The following CLVS1 variants were observed in gnomAD, a reference collection of about 807,000 sequenced individuals.
The protein encoded by CLVS1 is clavesin 1, also known as clavesin-1.
A neutral mutation model predicts 33.1 loss-of-function variants in CLVS1; 10 were observed. The observed-to-expected ratio is 0.30, with a 90% CI of 0.19 to 0.51. The LOEUF is 0.51. CLVS1 is among the 20% of genes least tolerant of loss of function. The probability of loss-of-function intolerance (pLI) is 0.97; values close to 1 mark genes in which losing one functional copy is unlikely to be tolerated. For synonymous variants in CLVS1, 163 were observed against 166.1 expected, an observed-to-expected ratio of 0.98 and a Z score of 0.14; for missense variants, 343 against 433.4, an observed-to-expected ratio of 0.79 and a Z score of 1.85.
the CLVS1 span, among the ~76,000 whole-genome samples, chr8:60,985,797 G>A: frequency 6.9e-6 from 1 of 145,780 alleles, no homozygotes. Flanking sequence ...TTAGAGGGCT[G>A]CTGTGAAAAA....
At chr8:61,228,321 G>A (rs1808371186) in intron 2 of CLVS1, among the ~76,000 whole-genome samples, 1 of 152,108 alleles carries the variant, frequency 6.6e-6, no homozygotes, top group Non-Finnish European at 1.5e-5. Flanking sequence ...TGTGTGTTGA[G>A]AACACTTAAA....
intron 1 of CLVS1, among the ~76,000 whole-genome samples, chr8:61,067,378 T>C (rs965387853): frequency 2.7e-5 from 4 of 150,116 alleles, no homozygotes; most frequent in Admixed American, 1.3e-4. Flanking sequence ...AATGTGTGTG[T>C]ACATATATAA....
At chr8:61,332,185 C>A (rs1811625860) in intron 2 of CLVS1, among the ~76,000 whole-genome samples, 1 of 152,184 alleles carries the variant, frequency 6.6e-6, no homozygotes, top group Non-Finnish European at 1.5e-5. Flanking sequence ...CAGGTGGTTT[C>A]TCAGTTTGGG....
chr8:61,243,630 G>T (rs959242224), intron 2 of CLVS1, among the ~76,000 whole-genome samples: 1 of 152,130 alleles, frequency 6.6e-6, no homozygotes, highest in Non-Finnish European at 1.5e-5. Context: ...TGGCATAAAT[G>T]TATTCATATT....
intron 2 of CLVS1, among the ~76,000 whole-genome samples, chr8:61,343,378 T>G (rs1812094312): frequency 6.6e-6 from 1 of 152,150 alleles, no homozygotes; most frequent in South Asian, 2.1e-4. Flanking sequence ...CTAAAGAATA[T>G]AGATGAAATA....
intron 2 of CLVS1, among the ~76,000 whole-genome samples, chr8:61,326,440 T>C (rs1157110916): frequency 2.0e-5 from 3 of 152,146 alleles, no homozygotes; most frequent in African/African-American, 7.2e-5. Flanking sequence ...CTATACAGTA[T>C]AGTGGCCACA....
intron 2 of CLVS1, among the ~76,000 whole-genome samples, chr8:61,234,383 A>C (rs750135401): frequency 6.6e-6 from 1 of 152,212 alleles, no homozygotes; most frequent in African/African-American, 2.4e-5. Flanking sequence ...ACAATAGCTT[A>C]CATTTCCGGA....
At chr8:61,016,941 C>T in the CLVS1 span, among the ~76,000 whole-genome samples, 3 of 152,270 alleles carry the variant, frequency 2.0e-5, no homozygotes, top group South Asian at 2.1e-4. Flanking sequence ...GCAGGGATCC[C>T]GATCTGCTGC....
At chr8:61,137,988 C>T (rs1316084235) in intron 2 of CLVS1, among the ~76,000 whole-genome samples, 2 of 152,140 alleles carry the variant, frequency 1.3e-5, no homozygotes, top group Non-Finnish European at 2.9e-5. Flanking sequence ...CTTACAAGAG[C>T]CAGGTACTGT....
chr8:61,093,164 C>G (rs777063124), intron 1 of CLVS1, among the ~76,000 whole-genome samples: 18 of 152,112 alleles, frequency 1.2e-4, no homozygotes, highest in Non-Finnish European at 1.8e-4. Context: ...GTGTATATGA[C>G]AGCTATATAC....
chr8:61,288,944 A>G (rs889922384), intron 1 of CLVS1, among the ~76,000 whole-genome samples: 1 of 152,238 alleles, frequency 6.6e-6, no homozygotes, highest in Admixed American at 6.5e-5. Context: ...AAATGATGGT[A>G]ATGATTGTAA....
At chr8:61,105,541 G>A (rs1295717391) in intron 1 of CLVS1, among the ~76,000 whole-genome samples, 6 of 152,188 alleles carry the variant, frequency 3.9e-5, no homozygotes, top group African/African-American at 4.8e-5. Flanking sequence ...TGGGAGTGGA[G>A]AATGGGGCCA....
At chr8:61,128,470 A>G (rs1806020260) in intron 1 of CLVS1, among the ~76,000 whole-genome samples, 1 of 152,002 alleles carries the variant, frequency 6.6e-6, no homozygotes, top group Admixed American at 6.6e-5. Context: ...CTTTCTTTAC[A>G]TCTTTTTCTT....
intron 5 of CLVS1, among the ~76,000 whole-genome samples, chr8:61,460,814 T>C (rs1165162614): frequency 6.6e-6 from 1 of 152,272 alleles, no homozygotes; most frequent in Non-Finnish European, 1.5e-5. Context: ...ACTAGAGCAC[T>C]GCCACCTCTT....
rs58593343 is a variant in CLVS1, at chr8:61,448,842, G to A, written c.631-5299G>A. Reference sequence around the variant, plus strand: ...CATAATTGCTGTTGAAACATTGTTCGTGATGGCTAAATTAAAATCTTTGTC... The same window carrying A: ...CATAATTGCTGTTGAAACATTGTTCATGATGGCTAAATTAAAATCTTTGTC... On this transcript the variant is annotated intron_variant, in intron 3 of 5. Coordinates refer to ENST00000325897, the MANE Select transcript of CLVS1 (RefSeq NM_173519.3). Among the ~76,000 whole-genome samples, 887 of 151,802 alleles carry A rather than the reference G, an allele frequency of 5.8e-3. 8 individuals are homozygous for A. The highest frequency in any genetic ancestry group is 0.021 in the African/African-American group (852 of 41,382).
At chr8:61,266,527 C>G (rs920768140) in intron 2 of CLVS1, among the ~76,000 whole-genome samples, 1 of 152,150 alleles carries the variant, frequency 6.6e-6, no homozygotes, top group South Asian at 2.1e-4. Context: ...AATCATGCCA[C>G]CCTTTCATCC....
intron 2 of CLVS1, among the ~76,000 whole-genome samples, chr8:61,253,856 T>A (rs1809006669): frequency 6.6e-6 from 1 of 152,184 alleles, no homozygotes; most frequent in South Asian, 2.1e-4. Context: ...CTCTTTGCCA[T>A]GGGTTCGAAC....
intron 1 of CLVS1, among the ~76,000 whole-genome samples, chr8:61,076,974 G>A (rs114899125): frequency 9.8e-5 from 15 of 152,332 alleles, no homozygotes; most frequent in Middle Eastern, 3.4e-3. Context: ...GTGGTCTGAG[G>A]CTTTGTTCTG....
At chr8:61,331,544 C>T (rs1281666436) in intron 2 of CLVS1, among the ~76,000 whole-genome samples, 1 of 138,210 alleles carries the variant, frequency 7.2e-6, no homozygotes, top group African/African-American at 2.6e-5. Flanking sequence ...AAAAAAAAAA[C>T]TCTTTTCTTG....
Sources: gnomAD v4.1 joint callset for allele counts (sites outside exome capture counted in the v4.1 genomes callset) on GRCh38, gnomAD v4.1.1 for gene constraint, MANE v1.5 for transcripts, NCBI Gene and HGNC (gene_info 2026-07-23, HGNC 2026-07-21) for gene names.